The following MAML3 variants were observed in gnomAD, a reference collection of about 807,000 sequenced individuals.
The protein encoded by MAML3 is mastermind like transcriptional coactivator 3.
In MAML3, 27 loss-of-function variants were observed where a neutral mutation model predicts 101.9. That is an observed-to-expected ratio of 0.27 (90% confidence interval 0.20 to 0.37). The LOEUF (loss-of-function observed/expected upper bound fraction) is 0.37, where lower values mean the gene tolerates loss of function less well. MAML3 is among the 10% of genes least tolerant of loss of function. The probability of loss-of-function intolerance (pLI) is 1.00; values close to 1 mark genes in which losing one functional copy is unlikely to be tolerated. For missense variants in MAML3, 1,316 were observed against 1,444.9 expected (o/e 0.91, Z 1.45); for synonymous variants, 501 against 555.9 (o/e 0.90, Z 1.39).
In MAML3 at chr4:139,787,319, T is replaced by C. The variant is rs1174484018; in HGVS notation, c.2080-56652A>G. ...GGAACACTGGCTAAAGACCATCTTC[T>C]ATCTTTGTTACATATTCTTTTTTGT... On this transcript the variant is annotated intron_variant, in intron 2 of 4. Transcript: ENST00000509479. Among the ~76,000 whole-genome samples the C allele has an allele frequency of 2.6e-5, 4 of 152,280 alleles. No individual in the cohort carries two copies. In the East Asian group the frequency reaches 7.7e-4, roughly 29 times the overall value.
rs55851938 is a variant in MAML3, at chr4:139,861,477, ATGTGTG to A, written c.2079+27874_2079+27879del. Among the ~76,000 whole-genome samples, 20 of 146,492 alleles carry A rather than the reference ATGTGTG, an allele frequency of 1.4e-4. No individual in the cohort carries two copies. The East Asian group carries it at 2.2e-3, about 16-fold the overall frequency. ...AGATGTATGAATGTCTAACCAGCCG[ATGTGTG>A]TGTGTGTGTGTGTGTGTGTGTGTGT... On this transcript the variant is annotated intron_variant, in intron 2 of 4. Coordinates refer to ENST00000509479, the MANE Select transcript of MAML3 (RefSeq NM_018717.5).
chr4:139,959,954 A>G (rs1156509287), intron 1 of MAML3, among the ~76,000 whole-genome samples: 2 of 152,178 alleles, frequency 1.3e-5, no homozygotes, highest in Non-Finnish European at 2.9e-5. Flanking sequence ...TCTATACCCT[A>G]CCCTGTGCCT....
chr4:140,036,045 G>T (rs1578653196), intron 1 of MAML3, among the ~76,000 whole-genome samples: 1 of 152,172 alleles, frequency 6.6e-6, no homozygotes, highest in African/African-American at 2.4e-5. Flanking sequence ...GGAAAGTAAG[G>T]ATTAGGACCG....
At chr4:139,893,477 C>T (rs1186164688) in intron 1 of MAML3, among the ~76,000 whole-genome samples, 2 of 152,168 alleles carry the variant, frequency 1.3e-5, no homozygotes, top group East Asian at 3.9e-4. Context: ...GGAACCGTGG[C>T]TGACGTGCTT....
chr4:139,729,170 A>AAG (rs1302483891), intron 3 of MAML3, among the ~76,000 whole-genome samples: 7 of 149,858 alleles, frequency 4.7e-5, no homozygotes, highest in African/African-American at 1.8e-4. Context: ...AAAAAAAAAA[A>AAG]AAAAAAAAAG....
In MAML3 at chr4:139,876,254, T is replaced by C. The variant is rs145650208; in HGVS notation, c.2079+13103A>G. On this transcript the variant is annotated intron_variant, in intron 2 of 4. Coordinates refer to ENST00000509479, the MANE Select transcript of MAML3 (RefSeq NM_018717.5). Reference sequence around the variant, plus strand: ...AAGATGAATGTCACCAGCTGCTTTTTACCTTTTGCAACATGGCCAATAGAA... The same window carrying C: ...AAGATGAATGTCACCAGCTGCTTTTCACCTTTTGCAACATGGCCAATAGAA... 1.2e-4 allele frequency among the ~76,000 whole-genome samples: 18 copies of C among 152,382 alleles called. No homozygotes were observed. In the East Asian group the frequency reaches 3.5e-3, roughly 29 times the overall value.
At chr4:140,035,578 C>T (rs981658437) in intron 1 of MAML3, among the ~76,000 whole-genome samples, 3 of 151,972 alleles carry the variant, frequency 2.0e-5, no homozygotes, top group South Asian at 2.1e-4. Context: ...AGGTAGATCA[C>T]GAGGTCAGGA....
At chr4:139,922,391 T>C (rs538442325) in intron 1 of MAML3, among the ~76,000 whole-genome samples, 1 of 152,088 alleles carries the variant, frequency 6.6e-6, no homozygotes, top group East Asian at 1.9e-4. Flanking sequence ...GCAAAAATGA[T>C]AGAGGGATAA....
At chr4:139,997,997 T>C (rs1267673456) in intron 1 of MAML3, among the ~76,000 whole-genome samples, 1 of 152,172 alleles carries the variant, frequency 6.6e-6, no homozygotes, top group African/African-American at 2.4e-5. Context: ...TGTATCTAGA[T>C]ATTAATCCTA....
chr4:139,970,553 G>T (rs184531350), intron 1 of MAML3, among the ~76,000 whole-genome samples: 1 of 152,326 alleles, frequency 6.6e-6, no homozygotes, highest in East Asian at 1.9e-4. Context: ...AGCAGAAGGT[G>T]ATTAGGAGGA....
At chr4:140,110,942 G>A (rs1047257547) in intron 1 of MAML3, among the ~76,000 whole-genome samples, 2 of 152,178 alleles carry the variant, frequency 1.3e-5, no homozygotes, top group Admixed American at 6.5e-5. Context: ...GAAAGGACAA[G>A]AGTGATGTAA....
chr4:139,890,456 T>G lies in MAML3; in HGVS notation c.980A>C (p.Asp327Ala). The change falls in exon 2 of 5, where the codon GAC (aspartate) becomes GCC (alanine). Residue 327 changes from aspartate to alanine, a missense_variant. Asp to Ala is a moderately radical substitution (Grantham distance 126). Coordinates refer to ENST00000509479, the MANE Select transcript of MAML3 (RefSeq NM_018717.5). This position sits in a 1 kb window ranked among gnomAD's most constrained non-coding sequence, Gnocchi z 4.1. ...ANTVPEDDIQDLFNEDFEEKK... is the reference protein window; with the variant it reads ...ANTVPEDDIQALFNEDFEEKK... ...CTCTTCAAAGTCTTCGTTGAACAGG[T>G]CCTGTATGTCATCCTCAGGAACCGT... 6.2e-7 allele frequency: 1 copy of G among 1,613,722 alleles called. No homozygotes were observed. Among genetic ancestry groups the G allele is most frequent in the Non-Finnish European group, 8.5e-7 (1 of 1,179,650 alleles).
intron 1 of MAML3, among the ~76,000 whole-genome samples, chr4:139,947,059 C>T (rs1298514660): frequency 2.0e-5 from 3 of 152,126 alleles, no homozygotes; most frequent in Non-Finnish European, 4.4e-5. Context: ...CATTGCACAA[C>T]CTTTCCAATT....
intron 2 of MAML3, among the ~76,000 whole-genome samples, chr4:139,849,178 A>G (rs1465300165): frequency 6.6e-6 from 1 of 152,212 alleles, no homozygotes; most frequent in African/African-American, 2.4e-5. Context: ...TCCTGATCAT[A>G]GAAAAGGGGA....
intron 1 of MAML3, among the ~76,000 whole-genome samples, chr4:139,977,906 A>G (rs769774300): frequency 1.3e-5 from 2 of 151,996 alleles, no homozygotes; most frequent in Non-Finnish European, 2.9e-5. Context: ...AAAAAAAAAC[A>G]AAAAAAGGAT....
intron 1 of MAML3, among the ~76,000 whole-genome samples, chr4:140,055,048 C>T (rs1037714192): frequency 1.3e-5 from 2 of 152,114 alleles, no homozygotes; most frequent in Admixed American, 1.3e-4. Flanking sequence ...AAGTGTCTGA[C>T]CATCTGTCAG....
chr4:140,078,489 G>A (rs1180802675), intron 1 of MAML3, among the ~76,000 whole-genome samples: 1 of 152,092 alleles, frequency 6.6e-6, no homozygotes, highest in Non-Finnish European at 1.5e-5. Context: ...ATCAGAGAAG[G>A]CCACTCCAAG....
At chr4:140,133,108 C>T in intron 1 of MAML3, 1 of 443,800 alleles carries the variant, frequency 2.3e-6, no homozygotes, top group Non-Finnish European at 4.5e-6. Flanking sequence ...TGTTACATGC[C>T]ATATACATGG....
intron 1 of MAML3, among the ~76,000 whole-genome samples, chr4:140,109,859 C>T (rs890607712): frequency 6.6e-6 from 1 of 152,210 alleles, no homozygotes; most frequent in Non-Finnish European, 1.5e-5. Flanking sequence ...CCTGGTCACA[C>T]GTTTCAATAC....
Sources: allele counts gnomAD v4.1 joint callset (sites outside exome capture counted in the v4.1 genomes callset), GRCh38; gene constraint gnomAD v4.1.1; non-coding constraint Gnocchi (gnomAD v3.1); transcripts MANE v1.5; gene names NCBI Gene and HGNC (gene_info 2026-07-23, HGNC 2026-07-21).